The following MED29 variants were observed in gnomAD, a reference collection of about 807,000 sequenced individuals.
MED29 encodes mediator complex subunit 29.
A neutral mutation model predicts 22.0 loss-of-function variants in MED29; 14 were observed. The observed-to-expected ratio is 0.64, with a 90% CI of 0.42 to 0.99. The LOEUF is 0.99. MED29 is among the 50% of genes least tolerant of loss of function. The pLI is 0.00. For synonymous variants in MED29, 123 were observed against 107.8 expected (o/e 1.14, Z -0.87); for missense variants, 241 against 253.7 (o/e 0.95, Z 0.34).
Position 39,398,773 on chromosome 19 carries a change from G to A in MED29, c.*1074G>A, listed in dbSNP as rs549913578. ...GTGAAAGCCTCAAGTGACTCAGCCTGGTTGGAGAACTGCCCCACCCAGTAT... is the reference window on the plus strand; with the variant it reads ...GTGAAAGCCTCAAGTGACTCAGCCTAGTTGGAGAACTGCCCCACCCAGTAT... On this transcript the variant is annotated 3_prime_UTR_variant, in exon 4 of 4. Transcript: ENST00000315588. 4.6e-5 allele frequency: 7 copies of A among 152,468 alleles called. No individual in the cohort carries two copies. The East Asian group carries it at 1.4e-3, about 29-fold the overall frequency. The allele number at this position is 152,468 out of a possible 1,614,324, so 9.4% of individuals were successfully genotyped here.
intron 3 of MED29, among the ~76,000 whole-genome samples, chr19:39,394,114 C>A (rs1327777694): frequency 6.6e-6 from 1 of 152,218 alleles, no homozygotes; most frequent in Non-Finnish European, 1.5e-5. Flanking sequence ...GTCAGATGCA[C>A]CATCAATCTC....
Position 39,391,533 on chromosome 19 carries a change from ACTGGTGGGCCCTGCC to A in MED29, c.113_127del (p.Leu38_Ala42del). The stretch of plus-strand genomic sequence containing the variant: ...AGCAGCAGCCGCAACCGCCAGCACA[ACTGGTGGGCCCTGCC>A]CAGAGCGGCCTCCTGCAGCAACAGC... On this transcript the variant is annotated inframe_deletion, in exon 1 of 4. Coordinates refer to ENST00000315588, the MANE Select transcript of MED29 (RefSeq NM_017592.4). 1 of 1,613,732 alleles carries A rather than the reference ACTGGTGGGCCCTGCC, an allele frequency of 6.2e-7. No homozygotes were observed. The highest frequency in any genetic ancestry group is 1.1e-5 in the South Asian group (1 of 91,082).
chr19:39,391,506 CCAG>C lies in MED29; in HGVS notation c.92_94del (p.Gln31del). On this transcript the variant is annotated inframe_deletion, in exon 1 of 4. Coordinates refer to ENST00000315588, the MANE Select transcript of MED29 (RefSeq NM_017592.4). Reference sequence around the variant, plus strand: ...CTAGTTCGGCTGGCGGCCCGGGTCCCCAGCAGCAGCCGCAACCGCCAGCACAAC... The same window carrying C: ...CTAGTTCGGCTGGCGGCCCGGGTCCCCAGCAGCCGCAACCGCCAGCACAAC... 2 of 1,612,630 alleles carry C rather than the reference CCAG, an allele frequency of 1.2e-6. No individual in the cohort carries two copies. Among genetic ancestry groups the C allele is most frequent in the Non-Finnish European group, 1.7e-6 (2 of 1,179,860 alleles).
At chr19:39,393,776 A>G (rs1451653561) in intron 3 of MED29, 139 bp downstream of exon 3, 2 of 744,550 alleles carry the variant, frequency 2.7e-6, no homozygotes, top group East Asian at 4.9e-5. Context: ...CACTGAGGAC[A>G]CAGGGTTGCT....
chr19:39,391,972 C>A (rs2078385698), intron 1 of MED29, among the ~76,000 whole-genome samples: 1 of 152,152 alleles, frequency 6.6e-6, no homozygotes, highest in South Asian at 2.1e-4. Flanking sequence ...TTGCAGTGAG[C>A]CGACATCGTG....
chr19:39,395,142 G>C (rs910834735), intron 3 of MED29, among the ~76,000 whole-genome samples: 16 of 152,152 alleles, frequency 1.1e-4, no homozygotes, highest in African/African-American at 3.9e-4. Context: ...CCGCTGTGCC[G>C]GGCCTGGCCT....
intron 3 of MED29, among the ~76,000 whole-genome samples, chr19:39,395,035 G>T (rs568721906): frequency 1.3e-5 from 2 of 151,936 alleles, no homozygotes; most frequent in East Asian, 3.9e-4. Context: ...TGTATTTTTT[G>T]TAGAGACGGG....
rs565890241 is a variant in MED29 at position 39,391,434 on chromosome 19, C to T, written c.12C>T (p.Ser4=). 1.7e-5 allele frequency: 28 copies of T among 1,613,012 alleles called. No homozygotes were observed. The East Asian group carries it at 4.2e-4, about 24-fold the overall frequency. The stretch of plus-strand genomic sequence containing the variant: ...TCTACGCGAGGAAGATGGCTGCATC[C>T]CAGCAGCAAGCTTCAGCGGCTTCCT... The part of the protein sequence containing the change: MAA[S]QQQASAASSA... Residue 4 remains serine, a synonymous_variant, in exon 1 of 4, where the codon TCC becomes TCT. Coordinates refer to ENST00000315588, the MANE Select transcript of MED29 (RefSeq NM_017592.4).
At position 39,391,706 on chromosome 19, in the gene MED29, G is replaced by A. The variant is rs1033338650; in HGVS notation, c.216+68G>A. 6 of 1,494,736 alleles carry A rather than the reference G, an allele frequency of 4.0e-6. No homozygotes were observed. In the South Asian group the frequency reaches 6.5e-5, roughly 16 times the overall value. The allele number at this position is 1,494,736 out of a possible 1,614,324, so 92.6% of individuals were successfully genotyped here. A position where few individuals can be genotyped will look rare whatever the true frequency, so the allele number is the denominator to read the frequency against. ...TCTAGAGGGGCAGGCCGAGGGCCAG[G>A]TTAGTCGGAGAGAGCGCTAAGCAGA... On this transcript the variant is annotated intron_variant, in intron 1 of 3. Coordinates refer to ENST00000315588, the MANE Select transcript of MED29 (RefSeq NM_017592.4).
Position 39,399,555 on chromosome 19 carries a change from A to G in MED29, c.*1856A>G, listed in dbSNP as rs979428133. Reference sequence around the variant, plus strand: ...TCTCAAAAAAAATAAAAAACTGACCATCTAGTCCTTGTCATCTGGGCACCC... The same window carrying G: ...TCTCAAAAAAAATAAAAAACTGACCGTCTAGTCCTTGTCATCTGGGCACCC... On this transcript the variant is annotated 3_prime_UTR_variant, in exon 4 of 4. Transcript: ENST00000315588. 1 of 152,260 alleles carries G rather than the reference A, an allele frequency of 6.6e-6. No individual in the cohort carries two copies. Among genetic ancestry groups the G allele is most frequent in the Non-Finnish European group, 1.5e-5 (1 of 68,050 alleles). The allele number at this position is 152,260 out of a possible 1,614,324, so 9.4% of individuals were successfully genotyped here.
chr19:39,393,731 G>A, intron 3 of MED29, 94 bp downstream of exon 3: 1 of 1,070,090 alleles, frequency 9.3e-7, no homozygotes, highest in Non-Finnish European at 1.4e-6. Flanking sequence ...ACTCAACTGG[G>A]GACCTCCTGT....
At chr19:39,393,990 A>G (rs1043809530) in intron 3 of MED29, among the ~76,000 whole-genome samples, 3 of 152,112 alleles carry the variant, frequency 2.0e-5, no homozygotes, top group Non-Finnish European at 4.4e-5. Context: ...ATAGGGAGAG[A>G]GTGGCTTAGG....
chr19:39,397,770 G>C lies in MED29; in HGVS notation c.*71G>C. On this transcript the variant is annotated 3_prime_UTR_variant, in exon 4 of 4. Coordinates refer to ENST00000315588, the MANE Select transcript of MED29 (RefSeq NM_017592.4). ...GCAAAGGGAATGAAGAGCGTCCTGG[G>C]CCTAAACACAGCAGCCTCCTCTCTT... The C allele has an allele frequency of 6.4e-7, 1 of 1,551,286 alleles. No homozygotes were observed.
At chr19:39,392,624 C>CCTTT (rs745896633) in intron 2 of MED29, 102 bp downstream of exon 2, 59 of 520,434 alleles carry the variant, frequency 1.1e-4, no homozygotes, top group Non-Finnish European at 1.4e-4. Context: ...TCTATATTTA[C>CCTTT]TTTTTTTTTT....
At chr19:39,394,744 A>G (rs926176409) in intron 3 of MED29, among the ~76,000 whole-genome samples, 2 of 150,290 alleles carry the variant, frequency 1.3e-5, no homozygotes, top group African/African-American at 4.9e-5. Flanking sequence ...TTGTATTTTT[A>G]GTAGAGATGG....
chr19:39,397,464 C>T lies in MED29; in HGVS notation c.368C>T (p.Ala123Val). 3.7e-6 allele frequency: 6 copies of T among 1,604,650 alleles called. No homozygotes were observed. Among genetic ancestry groups the T allele is most frequent in the African/African-American group, 1.3e-5 (1 of 75,010 alleles). Reference sequence around the variant, plus strand: ...TTGCCTGCCTGTCCACAGCGCCTGGCGCATGAGTGCCTGTCACAGAGTTGT... The same window carrying T: ...TTGCCTGCCTGTCCACAGCGCCTGGTGCATGAGTGCCTGTCACAGAGTTGT... Reference protein sequence around the residue: ...CDQLELCLRLAHECLSQSCDS... With the variant: ...CDQLELCLRLVHECLSQSCDS... Residue 123 changes from alanine to valine, a missense_variant, in exon 4 of 4, where the codon GCG (alanine) becomes GTG (valine). Ala to Val is a moderately conservative substitution (Grantham distance 64). Transcript: ENST00000315588.
rs1000824330 is a variant in MED29, at chr19:39,399,993, A to G, written c.*2294A>G. ...TGGGTATCTTGTGCCCAAGGCCTGT[A>G]TTTGTGGAGCTGATGTTCTAGTGAG... On this transcript the variant is annotated 3_prime_UTR_variant, in exon 4 of 4. Transcript: ENST00000315588. 1.3e-5 allele frequency: 2 copies of G among 152,228 alleles called. No individual in the cohort carries two copies. Among genetic ancestry groups the G allele is most frequent in the Non-Finnish European group, 2.9e-5 (2 of 68,038 alleles). The allele number at this position is 152,228 out of a possible 1,614,324, so 9.4% of individuals were successfully genotyped here.
At position 39,397,453 on chromosome 19, in the gene MED29, A is replaced by G. The variant is rs374580249; in HGVS notation, c.361-4A>G. The G allele has an allele frequency of 2.9e-5, 47 of 1,601,616 alleles. No individual in the cohort carries two copies. The African/African-American group carries it at 6.0e-4, about 20-fold the overall frequency. On this transcript the variant is annotated splice_region_variant and splice_polypyrimidine_tract_variant and intron_variant, in intron 3 of 3. Coordinates refer to ENST00000315588, the MANE Select transcript of MED29 (RefSeq NM_017592.4). ...ATGCTGTCCCCTTGCCTGCCTGTCC[A>G]CAGCGCCTGGCGCATGAGTGCCTGT...
chr19:39,396,352 T>C (rs887475608), intron 3 of MED29, among the ~76,000 whole-genome samples: 3 of 150,884 alleles, frequency 2.0e-5, no homozygotes, highest in Non-Finnish European at 4.4e-5. Context: ...AGAGAATCTC[T>C]TGAACCCGGG....
Sources: allele counts gnomAD v4.1 joint callset (sites outside exome capture counted in the v4.1 genomes callset), GRCh38; gene constraint gnomAD v4.1.1; transcripts MANE v1.5; gene names NCBI Gene and HGNC (gene_info 2026-07-23, HGNC 2026-07-21).